The following AUTS2 variants were observed in gnomAD, a reference collection of about 807,000 sequenced individuals.
AUTS2 encodes activator of transcription and developmental regulator AUTS2.
A neutral mutation model predicts 112.4 loss-of-function variants in AUTS2; 17 were observed. The observed-to-expected ratio is 0.15, with a 90% CI of 0.10 to 0.23. The LOEUF (loss-of-function observed/expected upper bound fraction) is 0.23. Among genes scored for constraint, AUTS2 ranks in the 10% least tolerant of loss-of-function variants. The probability of loss-of-function intolerance (pLI) is 1.00; values close to 1 mark genes in which losing one functional copy is unlikely to be tolerated. For synonymous variants in AUTS2, 751 were observed against 702.7 expected, an observed-to-expected ratio of 1.07 and a Z score of -1.09; for missense variants, 1,510 against 1,701.6, an observed-to-expected ratio of 0.89 and a Z score of 1.98.
intron 1 of AUTS2, among the ~76,000 whole-genome samples, chr7:69,760,961 CACTT>C (rs553356879): frequency 7.9e-4 from 121 of 152,292 alleles, no homozygotes; most frequent in Admixed American, 1.2e-3. Flanking sequence ...ATATATAAGA[CACTT>C]ACCAGAGGAG....
intron 4 of AUTS2, among the ~76,000 whole-genome samples, chr7:70,254,709 T>A (rs1786767436): frequency 6.6e-6 from 1 of 152,198 alleles, no homozygotes. Flanking sequence ...GTAATCTCCT[T>A]AAGAGCAAAT....
At chr7:70,102,099 T>G (rs1804528652) in intron 2 of AUTS2, among the ~76,000 whole-genome samples, 2 of 151,814 alleles carry the variant, frequency 1.3e-5, no homozygotes. Flanking sequence ...AGATACCCCT[T>G]ACTTTGCAGT....
intron 4 of AUTS2, among the ~76,000 whole-genome samples, chr7:70,277,926 T>TTGTGTGTG (rs35535865): frequency 0.038 from 4,953 of 129,084 alleles, 96 homozygotes; most frequent in Middle Eastern, 0.12. Flanking sequence ...CCTTGTGTAT[T>TTGTGTGTG]TGTGTGTGTG....
At chr7:70,096,384 G>T (rs1804200542) in intron 2 of AUTS2, among the ~76,000 whole-genome samples, 1 of 151,980 alleles carries the variant, frequency 6.6e-6, no homozygotes, top group South Asian at 2.1e-4. Context: ...AGCGCCTAAG[G>T]TCAGGAGTTG....
chr7:70,430,360 T>C (rs974010630), intron 4 of AUTS2, among the ~76,000 whole-genome samples: 8 of 152,210 alleles, frequency 5.3e-5, no homozygotes, highest in African/African-American at 1.9e-4. Flanking sequence ...CAACGGAAGC[T>C]TAATAATACT....
intron 2 of AUTS2, among the ~76,000 whole-genome samples, chr7:70,018,762 C>T (rs1321127968): frequency 1.3e-5 from 2 of 152,112 alleles, no homozygotes; most frequent in African/African-American, 4.8e-5. Flanking sequence ...CAAAAAATAA[C>T]AGATGCTGGT....
intron 1 of AUTS2, among the ~76,000 whole-genome samples, chr7:69,657,029 A>G (rs1335103591): frequency 1.3e-5 from 2 of 152,186 alleles, no homozygotes; most frequent in Non-Finnish European, 2.9e-5. Flanking sequence ...GGACAGGAAG[A>G]CTGACCCACT....
chr7:70,793,077 C>T lies in AUTS2; in HGVS notation c.*2081C>T, dbSNP rs971593880. On this transcript the variant is annotated 3_prime_UTR_variant, in exon 19 of 19. Transcript: ENST00000342771. ...TAAACATTTGCACCCCACACAGTCG[C>T]TTGTGGTTTGTTTTTTGAGGAGGGG... 2 of 138,816 alleles carry T rather than the reference C, an allele frequency of 1.4e-5. No individual in the cohort carries two copies. Among genetic ancestry groups the T allele is most frequent in the African/African-American group, 2.7e-5 (1 of 37,148 alleles). 8.6% of individuals were successfully genotyped at this position (138,816 alleles called of 1,614,324 possible).
In AUTS2 at chr7:70,666,972, TAAA is replaced by T. The variant is rs5884791; in HGVS notation, c.691-31580_691-31578del. Among the ~76,000 whole-genome samples the T allele has an allele frequency of 8.7e-3, 1,179 of 135,638 alleles. 19 individuals carry two copies. The highest frequency in any genetic ancestry group is 0.029 in the African/African-American group (1,046 of 36,602). The allele number at this position is 135,638 out of a possible 152,430, so 89.0% of individuals were successfully genotyped here. ...AGCTGTGTTCCTAGTGCCGTCTTCT[TAAA>T]AAAAAAAAAAAAAAAAGTTTCCTTC... On this transcript the variant is annotated intron_variant, in intron 5 of 18. Coordinates refer to ENST00000342771, the MANE Select transcript of AUTS2 (RefSeq NM_015570.4).
intron 1 of AUTS2, among the ~76,000 whole-genome samples, chr7:69,864,250 G>A (rs1793119924): frequency 6.6e-6 from 1 of 152,162 alleles, no homozygotes; most frequent in Non-Finnish European, 1.5e-5. Flanking sequence ...CTGCAATAAA[G>A]CAAATTGTCT....
At chr7:69,876,233 G>A (rs922262378) in intron 1 of AUTS2, among the ~76,000 whole-genome samples, 1 of 145,718 alleles carries the variant, frequency 6.9e-6, no homozygotes, top group African/African-American at 2.5e-5. Flanking sequence ...TGGGTGTGGT[G>A]GCGTGCGCCT....
intron 4 of AUTS2, among the ~76,000 whole-genome samples, chr7:70,265,491 T>C (rs757388209): frequency 4.6e-5 from 7 of 152,220 alleles, no homozygotes; most frequent in Admixed American, 4.6e-4. Flanking sequence ...GAAAAAAAGT[T>C]ATCTCTCTGC....
intron 4 of AUTS2, among the ~76,000 whole-genome samples, chr7:70,162,944 G>T (rs567065945): frequency 2.0e-5 from 3 of 152,088 alleles, no homozygotes; most frequent in Admixed American, 6.5e-5. Context: ...TGAATTGAAC[G>T]ACTTATAACG....
In AUTS2 at chr7:70,062,892, A is replaced by C. The variant is rs565368603; in HGVS notation, c.523-55240A>C. ...CCTTATTAGGTCATTTGTCAAGTGG[A>C]TACATTATCTTCTTTCCCTGAGGGC... On this transcript the variant is annotated intron_variant, in intron 2 of 18. Transcript: ENST00000342771. Among the ~76,000 whole-genome samples, 4 of 152,310 alleles carry C rather than the reference A, an allele frequency of 2.6e-5. No homozygotes were observed. In the East Asian group the frequency reaches 5.8e-4, roughly 22 times the overall value.
At chr7:70,041,300 GTTC>G (rs1554434247) in intron 2 of AUTS2, among the ~76,000 whole-genome samples, 1 of 152,046 alleles carries the variant, frequency 6.6e-6, no homozygotes, top group Non-Finnish European at 1.5e-5. Context: ...TAGTATTTTT[GTTC>G]TTCTTTACCA....
At chr7:70,057,178 A>G (rs1802031756) in intron 2 of AUTS2, among the ~76,000 whole-genome samples, 1 of 152,122 alleles carries the variant, frequency 6.6e-6, no homozygotes, top group Admixed American at 6.5e-5. Flanking sequence ...ATAGTTTACC[A>G]GTTATCTGTA....
chr7:70,417,356 A>G (rs1282788710), intron 4 of AUTS2, among the ~76,000 whole-genome samples: 2 of 152,224 alleles, frequency 1.3e-5, no homozygotes, highest in Non-Finnish European at 2.9e-5. Context: ...CCTTGATGGC[A>G]GCACATCAAA....
intron 2 of AUTS2, among the ~76,000 whole-genome samples, chr7:69,926,845 C>A (rs1796036259): frequency 7.0e-6 from 1 of 142,070 alleles, no homozygotes. Context: ...TAAGATATAT[C>A]ATGTATATAT....
At position 70,790,498 on chromosome 7, in the gene AUTS2, C is replaced by T. The variant is rs939046841; in HGVS notation, c.3282C>T (p.Phe1094=). The T allele has an allele frequency of 1.2e-6, 2 of 1,612,578 alleles. No homozygotes were observed. Among genetic ancestry groups the T allele is most frequent in the Non-Finnish European group, 1.7e-6 (2 of 1,179,618 alleles). Residue 1094 remains phenylalanine (F), a synonymous_variant, in exon 19 of 19, where the codon TTC becomes TTT. Transcript: ENST00000342771. The surrounding 1 kb of genome is among the most constrained non-coding windows in gnomAD (Gnocchi z 7.6). ...GGAGAGACCCGCTGGGCAGGGACTT[C>T]CTGCTAAGGAACGACCCGCTCCACC... ...IHRRDPLGRD[F]LLRNDPLHRL...
Sources: gnomAD v4.1 joint callset for allele counts (sites outside exome capture counted in the v4.1 genomes callset) on GRCh38, gnomAD v4.1.1 for gene constraint, Gnocchi (gnomAD v3.1) non-coding constraint, MANE v1.5 for transcripts, NCBI Gene and HGNC (gene_info 2026-07-23, HGNC 2026-07-21) for gene names.